The following CCDC85A variants were observed in gnomAD, a reference collection of about 807,000 sequenced individuals.
CCDC85A encodes the protein coiled-coil domain-containing protein 85A.
A neutral mutation model predicts 50.2 loss-of-function variants in CCDC85A; 38 were observed. That is an observed-to-expected ratio of 0.76 (90% CI 0.58 to 0.99). CCDC85A has a LOEUF of 0.99. Among genes scored for constraint, CCDC85A ranks in the 50% least tolerant of loss-of-function variants. The pLI is 0.00. For synonymous variants in CCDC85A, 366 were observed against 301.4 expected, an observed-to-expected ratio of 1.21 and a Z score of -2.22; for missense variants, 820 against 742.0, an observed-to-expected ratio of 1.11 and a Z score of -1.22.
At chr2:56,379,737 T>A in intron 5 of CCDC85A, 1 of 958,536 alleles carries the variant, frequency 1.0e-6, no homozygotes, top group African/African-American at 1.8e-5. Context: ...CTTTTCTTTT[T>A]CAACAAATCC....
chr2:56,352,103 AT>A (rs1367366248), intron 3 of CCDC85A, among the ~76,000 whole-genome samples: 1 of 152,164 alleles, frequency 6.6e-6, no homozygotes, highest in Admixed American at 6.6e-5. Flanking sequence ...TCTACTTTTC[AT>A]TTTTTGTTTT....
At chr2:56,231,047 A>G (rs997181414) in intron 2 of CCDC85A, among the ~76,000 whole-genome samples, 1 of 152,202 alleles carries the variant, frequency 6.6e-6, no homozygotes, top group Non-Finnish European at 1.5e-5. Context: ...ACTAAAAGGC[A>G]TAAGATTTAG....
chr2:56,372,739 A>G (rs1211533951), intron 4 of CCDC85A, among the ~76,000 whole-genome samples: 2 of 152,170 alleles, frequency 1.3e-5, no homozygotes, highest in Non-Finnish European at 2.9e-5. Context: ...TGGACATTTC[A>G]TGATAAAAGG....
intron 3 of CCDC85A, among the ~76,000 whole-genome samples, chr2:56,347,110 C>T (rs1329325149): frequency 6.6e-6 from 1 of 152,140 alleles, no homozygotes; most frequent in African/African-American, 2.4e-5. Flanking sequence ...AAGGAACACA[C>T]CTATCTTCTA....
chr2:56,262,468 T>C (rs566761745), intron 2 of CCDC85A, among the ~76,000 whole-genome samples: 1 of 152,314 alleles, frequency 6.6e-6, no homozygotes, highest in South Asian at 2.1e-4. Flanking sequence ...GGTTTTCTCA[T>C]GAGAAGCCCT....
At chr2:56,354,803 C>T (rs894140961) in intron 3 of CCDC85A, among the ~76,000 whole-genome samples, 8 of 152,164 alleles carry the variant, frequency 5.3e-5, no homozygotes, top group Non-Finnish European at 1.0e-4. Flanking sequence ...GTAAGTCTTA[C>T]TAGAAGACGA....
chr2:56,265,240 C>T (rs911052617), intron 2 of CCDC85A, among the ~76,000 whole-genome samples: 2 of 152,170 alleles, frequency 1.3e-5, no homozygotes, highest in African/African-American at 4.8e-5. Flanking sequence ...TGCCCCTTTG[C>T]CAGATGTGTC....
At chr2:56,285,258 T>C (rs1311675169) in intron 2 of CCDC85A, among the ~76,000 whole-genome samples, 1 of 151,218 alleles carries the variant, frequency 6.6e-6, no homozygotes, top group African/African-American at 2.4e-5. Context: ...CATGCCACCA[T>C]GCCCAGCTAA....
chr2:56,184,365 G>A lies in CCDC85A; in HGVS notation c.-260G>A, dbSNP rs1032405638. Reference sequence around the variant, plus strand: ...CCCCAGTGCCCCTCACCATGGACTTGCGCGGAGTTGGGACGGGCCTCGGCA... The same window carrying A: ...CCCCAGTGCCCCTCACCATGGACTTACGCGGAGTTGGGACGGGCCTCGGCA... On this transcript the variant is annotated 5_prime_UTR_variant, in exon 1 of 6. Transcript: ENST00000407595. The A allele has an allele frequency of 8.2e-6, 4 of 490,168 alleles. No individual in the cohort carries two copies. Among genetic ancestry groups the A allele is most frequent in the Non-Finnish European group, 1.2e-5 (4 of 334,924 alleles). The allele number at this position is 490,168 out of a possible 1,614,324, so 30.4% of individuals were successfully genotyped here. A position where few individuals can be genotyped will look rare whatever the true frequency, so the allele number is the denominator to read the frequency against.
intron 2 of CCDC85A, among the ~76,000 whole-genome samples, chr2:56,198,232 C>G (rs1375417527): frequency 1.3e-5 from 2 of 152,204 alleles, no homozygotes; most frequent in African/African-American, 4.8e-5. Context: ...AATAATTACT[C>G]TCATAAATCT....
intron 3 of CCDC85A, among the ~76,000 whole-genome samples, chr2:56,354,251 T>G (rs904557614): frequency 6.6e-6 from 1 of 152,212 alleles, no homozygotes; most frequent in African/African-American, 2.4e-5. Flanking sequence ...TGTAGCATAC[T>G]TTTCAGAAAT....
intron 2 of CCDC85A, among the ~76,000 whole-genome samples, chr2:56,241,883 A>G (rs113250602): frequency 0.043 from 6,552 of 152,240 alleles, 194 homozygotes; most frequent in Middle Eastern, 0.088. Context: ...CTCTATTTTT[A>G]GTTATTTTGA....
intron 2 of CCDC85A, among the ~76,000 whole-genome samples, chr2:56,204,394 A>G (rs957545051): frequency 2.6e-5 from 4 of 152,106 alleles, no homozygotes; most frequent in African/African-American, 9.7e-5. Context: ...TTAAGACCTT[A>G]TTTTTTAAAT....
chr2:56,254,385 T>A (rs1008313305), intron 2 of CCDC85A, among the ~76,000 whole-genome samples: 2 of 152,108 alleles, frequency 1.3e-5, no homozygotes, highest in African/African-American at 4.8e-5. Flanking sequence ...GTGGACCCCA[T>A]CCTGAAACAA....
chr2:56,345,349 C>T (rs1174866679), intron 3 of CCDC85A, among the ~76,000 whole-genome samples: 1 of 152,002 alleles, frequency 6.6e-6, no homozygotes, highest in South Asian at 2.1e-4. Flanking sequence ...CAGATTTCAG[C>T]GATGTTACAA....
At chr2:56,312,010 G>A (rs1232780849) in intron 2 of CCDC85A, among the ~76,000 whole-genome samples, 3 of 152,130 alleles carry the variant, frequency 2.0e-5, no homozygotes, top group Non-Finnish European at 4.4e-5. Flanking sequence ...GGCTACAGTA[G>A]ATAAGGACGG....
At chr2:56,380,853 A>G (rs1278593096) in intron 5 of CCDC85A, among the ~76,000 whole-genome samples, 2 of 152,252 alleles carry the variant, frequency 1.3e-5, no homozygotes, top group East Asian at 3.9e-4. Context: ...AATCATGGTT[A>G]AGCACTGGTC....
intron 2 of CCDC85A, among the ~76,000 whole-genome samples, chr2:56,216,550 T>C (rs1431281663): frequency 6.6e-6 from 1 of 151,890 alleles, no homozygotes; most frequent in African/African-American, 2.4e-5. Flanking sequence ...ATACCGATTA[T>C]CTATGTTTGT....
chr2:56,346,502 C>CA (rs1278534316), intron 3 of CCDC85A, among the ~76,000 whole-genome samples: 1 of 152,194 alleles, frequency 6.6e-6, no homozygotes, highest in Non-Finnish European at 1.5e-5. Flanking sequence ...TCTGTACAGC[C>CA]ACCGTGGCAA....
Sources: allele counts gnomAD v4.1 joint callset (sites outside exome capture counted in the v4.1 genomes callset), GRCh38; gene constraint gnomAD v4.1.1; transcripts MANE v1.5; gene names NCBI Gene and HGNC (gene_info 2026-07-23, HGNC 2026-07-21).